E2F4: variants seen among roughly 807,000 people sequenced by gnomAD.
E2F4 encodes the protein transcription factor E2F4.
E2F4 carries 16 observed loss-of-function variants against 44.5 expected under a neutral mutation model. The observed-to-expected ratio is 0.36, with a 90% CI of 0.24 to 0.55. The LOEUF (loss-of-function observed/expected upper bound fraction) is 0.55, where lower values mean the gene tolerates loss of function less well. E2F4 is among the 20% of genes least tolerant of loss of function. E2F4 has a pLI of 0.87. For missense variants in E2F4, 473 were observed against 522.1 expected, an observed-to-expected ratio of 0.91 and a Z score of 0.92; for synonymous variants, 242 against 207.2, an observed-to-expected ratio of 1.17 and a Z score of -1.44.
intron 6 of E2F4, 186 bp from the exon 7 acceptor site, chr16:67,195,596 C>A: frequency 7.8e-7 from 1 of 1,275,460 alleles, no homozygotes; most frequent in Non-Finnish European, 1.1e-6. Context: ...TTCTGTAGGT[C>A]TTGTGTCCCT....
chr16:67,194,949 G>A lies in E2F4; in HGVS notation c.777G>A (p.Gln259=), dbSNP rs200259730. The A allele has an allele frequency of 3.1e-6, 5 of 1,613,952 alleles. No individual in the cohort carries two copies. In the African/African-American group the frequency reaches 4.0e-5, roughly 13 times the overall value. Residue 259 remains glutamine (Q), a synonymous_variant, in exon 6 of 10, where the codon CAG becomes CAA. Transcript: ENST00000379378. The part of the protein sequence containing the change: ...PTAVPGSAEV[Q]GMAGPAAEIT... Reference sequence around the variant, plus strand: ...CTGTCCCTGGCAGTGCAGAAGTCCAGGGAATGGCTGGCCCAGCAGCTGAGA... The same window carrying A: ...CTGTCCCTGGCAGTGCAGAAGTCCAAGGAATGGCTGGCCCAGCAGCTGAGA...
At chr16:67,194,510 G>A (rs769177982) in intron 5 of E2F4, 51 bp downstream of exon 5, 3 of 1,609,202 alleles carry the variant, frequency 1.9e-6, no homozygotes, top group Admixed American at 1.7e-5. Flanking sequence ...GGTGCTGGCT[G>A]TGGAGCCTGA....
At chr16:67,193,347 G>A (rs2032918343) in intron 3 of E2F4, 125 bp from the exon 4 acceptor site, 2 of 1,490,210 alleles carry the variant, frequency 1.3e-6, no homozygotes, top group African/African-American at 1.4e-5. Flanking sequence ...CTCCCCCGGT[G>A]GACCTGAGTC....
At chr16:67,192,627 G>A (rs1407122362) in intron 1 of E2F4, 134 bp from the exon 2 acceptor site, 4 of 962,674 alleles carry the variant, frequency 4.2e-6, no homozygotes, top group Admixed American at 2.4e-5. Context: ...ACAGAGCTGC[G>A]GTCCTGAGCT....
At chr16:67,195,605 C>T (rs2032954382) in intron 6 of E2F4, 177 bp from the exon 7 acceptor site, 1 of 1,338,598 alleles carries the variant, frequency 7.5e-7, no homozygotes, top group Admixed American at 2.4e-5. Flanking sequence ...TCTTGTGTCC[C>T]TGTCTCCTGT....
In E2F4 at chr16:67,197,800, T is replaced by C. The variant is rs548086077; in HGVS notation, c.1082-67T>C. ...CCTGATGGGCAGGTGGGGTTCCCTT[T>C]CCTGGGCTTTGGTGGGTGGAGAGGT... On this transcript the variant is annotated intron_variant, in intron 8 of 9. Coordinates refer to ENST00000379378, the MANE Select transcript of E2F4 (RefSeq NM_001950.4). The C allele has an allele frequency of 1.9e-6, 3 of 1,611,598 alleles. No homozygotes were observed. In the African/African-American group the frequency reaches 4.0e-5, roughly 21 times the overall value.
chr16:67,197,795 C>T lies in E2F4; in HGVS notation c.1082-72C>T, dbSNP rs2032995803. 5.0e-6 allele frequency: 8 copies of T among 1,609,814 alleles called. No individual in the cohort carries two copies. The South Asian group carries it at 6.6e-5, about 13-fold the overall frequency. ...AAGTTCCTGATGGGCAGGTGGGGTT[C>T]CCTTTCCTGGGCTTTGGTGGGTGGA... On this transcript the variant is annotated intron_variant, in intron 8 of 9. Transcript: ENST00000379378.
intron 5 of E2F4, 98 bp downstream of exon 5, chr16:67,194,557 G>A: frequency 1.3e-6 from 2 of 1,579,806 alleles, no homozygotes; most frequent in East Asian, 4.5e-5. Flanking sequence ...GAGGCCTGGA[G>A]TTTGGGGTTA....
rs1408686282 is a variant in E2F4 at position 67,198,285 on chromosome 16, T to C, written c.*162T>C. The C allele has an allele frequency of 9.4e-6, 6 of 636,382 alleles. No individual in the cohort carries two copies. The highest frequency in any genetic ancestry group is 3.6e-5 in the African/African-American group (2 of 54,846). 39.4% of individuals were successfully genotyped at this position (636,382 alleles called of 1,614,324 possible). On this transcript the variant is annotated 3_prime_UTR_variant, in exon 10 of 10. Transcript: ENST00000379378. The stretch of plus-strand genomic sequence containing the variant: ...GTTCTGGCCACAGCTCCCGCTCCTG[T>C]GCTGGCACTTCTGTGCTCGCAGAGC...
intron 5 of E2F4, 48 bp from the exon 6 acceptor site, chr16:67,194,638 C>A (rs1844649551): frequency 6.3e-7 from 1 of 1,593,546 alleles, no homozygotes; most frequent in Non-Finnish European, 8.6e-7. Flanking sequence ...AGGAGCCAAG[C>A]CTGCTTACAA....
chr16:67,197,793 T>C, intron 8 of E2F4, 74 bp from the exon 9 acceptor site: 2 of 1,609,376 alleles, frequency 1.2e-6, no homozygotes, highest in Non-Finnish European at 1.7e-6. Context: ...GCAGGTGGGG[T>C]TCCCTTTCCT....
At position 67,193,479 on chromosome 16, in the gene E2F4, T is replaced by C. The variant is rs1339963067; in HGVS notation, c.415T>C (p.Tyr139His). ...TEDVQNSCLA[Y>H]VTHEDICRCF... ...TCTCCTTAACCCTCACACTTTGGCC[T>C]ACGTCACTCATGAGGACATCTGCAG... Residue 139 changes from tyrosine (Y) to histidine (H), a missense_variant, in exon 4 of 10, where the codon TAC (tyrosine) becomes CAC (histidine). By Grantham distance (83) the Tyr-to-His change is moderately conservative. Transcript: ENST00000379378. The C allele has an allele frequency of 3.1e-6, 5 of 1,614,214 alleles. No individual in the cohort carries two copies. The highest frequency in any genetic ancestry group is 4.2e-6 in the Non-Finnish European group (5 of 1,180,038).
Position 67,195,941 on chromosome 16 carries a change from G to A in E2F4, c.968G>A (p.Ser323Asn). Residue 323 changes from serine to asparagine, a missense_variant, in exon 7 of 10, where the codon AGC becomes AAC. By Grantham distance (46) the Ser-to-Asn change is conservative (BLOSUM62 1). This residue lies in a region of E2F4 where 314 missense variants were observed against 315.6 expected (regional missense o/e 0.99). Transcript: ENST00000379378. Reference protein sequence around the residue: ...SSSSSSSNSNSSSSSGPNPST... With the variant: ...SSSSSSSNSNNSSSSGPNPST... The stretch of plus-strand genomic sequence containing the variant: ...AGCAGCAGCAGCAGCAACAGTAACA[G>A]CAGCAGTTCGTCCGGACCCAACCCT... The A allele has an allele frequency of 1.2e-6, 2 of 1,613,026 alleles. No homozygotes were observed. Among genetic ancestry groups the A allele is most frequent in the South Asian group, 2.2e-5 (2 of 91,074 alleles).
intron 6 of E2F4, among the ~76,000 whole-genome samples, chr16:67,195,197 C>T (rs375719412): frequency 3.3e-5 from 5 of 152,322 alleles, no homozygotes; most frequent in East Asian, 3.9e-4. Flanking sequence ...TGCAATGGCG[C>T]GATCTTGGCT....
At chr16:67,193,298 C>T in intron 3 of E2F4, 128 bp downstream of exon 3, 1 of 1,484,422 alleles carries the variant, frequency 6.7e-7, no homozygotes. Flanking sequence ...CAGGCTCCCT[C>T]CTCAGAGCCC....
In E2F4 at chr16:67,194,395, T is replaced by A; in HGVS notation, c.452-3T>A. 1 of 1,614,064 alleles carries A rather than the reference T, an allele frequency of 6.2e-7. No homozygotes were observed. The highest frequency in any genetic ancestry group is 8.5e-7 in the Non-Finnish European group (1 of 1,180,000). ...CTCTGACCCATTCTCCATGTCATTC[T>A]AGGAGATACCCTCTTGGCCATCCGG... On this transcript the variant is annotated splice_polypyrimidine_tract_variant and splice_region_variant and intron_variant, in intron 4 of 9. Coordinates refer to ENST00000379378, the MANE Select transcript of E2F4 (RefSeq NM_001950.4).
Position 67,192,243 on chromosome 16 carries a change from C to T in E2F4, c.16C>T (p.Pro6Ser), listed in dbSNP as rs995060206. The change falls in exon 1 of 10, where the codon CCA becomes TCA. Residue 6 changes from proline (P) to serine (S), a missense_variant. Transcript: ENST00000379378. MAEAG[P>S]QAPPPPGTPS... ...GGCGGGCGCGATGGCGGAGGCCGGGCCACAGGCGCCGCCGCCCCCGGGCAC... is the reference window on the plus strand; with the variant it reads ...GGCGGGCGCGATGGCGGAGGCCGGGTCACAGGCGCCGCCGCCCCCGGGCAC... 7.9e-7 allele frequency: 1 copy of T among 1,273,106 alleles called. No homozygotes were observed. Among genetic ancestry groups the T allele is most frequent in the Non-Finnish European group, 9.9e-7 (1 of 1,007,782 alleles). The allele number at this position is 1,273,106 out of a possible 1,614,324, so 78.9% of individuals were successfully genotyped here. A position where few individuals can be genotyped will look rare whatever the true frequency, so the allele number is the denominator to read the frequency against.
rs1188094047 is a variant in E2F4 at position 67,192,765 on chromosome 16, C to G, written c.140C>G (p.Ala47Gly). 1 of 1,610,012 alleles carries G rather than the reference C, an allele frequency of 6.2e-7. No homozygotes were observed. Among genetic ancestry groups the G allele is most frequent in the Non-Finnish European group, 8.5e-7 (1 of 1,177,886 alleles). The change falls in exon 2 of 10, where the codon GCT becomes GGT. Residue 47 changes from alanine (A) to glycine (G), a missense_variant. Ala to Gly is a moderately conservative substitution (Grantham distance 60). Around this residue, in one of 3 missense-constraint regions of E2F4, gnomAD observed 119 missense variants for 175.6 expected, o/e 0.68. Transcript: ENST00000379378. ...ATTCTCCATTCTCTCTGCCAGGCAG[C>G]TGACACCCTAGCTGTACGCCAGAAG... Reference protein sequence around the residue: ...KDGVLDLKLAADTLAVRQKRR... With the variant: ...KDGVLDLKLAGDTLAVRQKRR...
chr16:67,193,365 C>T (rs533638864), intron 3 of E2F4, 107 bp from the exon 4 acceptor site: 77 of 1,508,636 alleles, frequency 5.1e-5, no homozygotes, highest in African/African-American at 4.9e-4. Flanking sequence ...GTCCCCAGAA[C>T]GGTCTCTGAG....
Sources: gnomAD v4.1 joint callset for allele counts (sites outside exome capture counted in the v4.1 genomes callset) on GRCh38, gnomAD v4.1.1 for gene constraint, gnomAD v4.1.1 regional missense constraint, MANE v1.5 for transcripts, NCBI Gene and HGNC (gene_info 2026-07-23, HGNC 2026-07-21) for gene names.